TASP1: variants seen among roughly 807,000 people sequenced by gnomAD.
The protein encoded by TASP1 is threonine aspartase 1.
A neutral mutation model predicts 56.6 loss-of-function variants in TASP1; 16 were observed. The observed-to-expected ratio is 0.28, with a 90% CI of 0.19 to 0.43. The LOEUF (loss-of-function observed/expected upper bound fraction) is 0.43, where lower values mean the gene tolerates loss of function less well. Ranked by LOEUF, TASP1 falls within the 20% of genes least tolerant of loss-of-function variation. The pLI is 1.00. For missense variants in TASP1, 393 were observed against 511.6 expected, an observed-to-expected ratio of 0.77 and a Z score of 2.24; for synonymous variants, 179 against 184.2, an observed-to-expected ratio of 0.97 and a Z score of 0.23.
intron 11 of TASP1, among the ~76,000 whole-genome samples, chr20:13,477,630 T>C (rs2042990365): frequency 6.6e-6 from 1 of 152,144 alleles, no homozygotes; most frequent in African/African-American, 2.4e-5. Flanking sequence ...AAAAGTCACA[T>C]CTGAATCACT....
chr20:13,332,795 T>C, the TASP1 span, among the ~76,000 whole-genome samples: 1,186 of 152,350 alleles, frequency 7.8e-3, 21 homozygotes, highest in African/African-American at 0.027. Flanking sequence ...TCATGATTCA[T>C]TCAATGCCAT....
intron 11 of TASP1, among the ~76,000 whole-genome samples, chr20:13,472,563 G>A (rs2044550048): frequency 6.6e-6 from 1 of 150,972 alleles, no homozygotes; most frequent in Non-Finnish European, 1.5e-5. Flanking sequence ...CAGAATGGGA[G>A]AAAATTTTTG....
the TASP1 span, among the ~76,000 whole-genome samples, chr20:13,263,415 T>C: frequency 6.6e-6 from 1 of 152,068 alleles, no homozygotes; most frequent in Non-Finnish European, 1.5e-5. Flanking sequence ...GTGCCCCTTC[T>C]AGAAAGCCGA....
At chr20:13,565,747 G>C (rs1043052019) in intron 7 of TASP1, among the ~76,000 whole-genome samples, 1 of 152,146 alleles carries the variant, frequency 6.6e-6, no homozygotes, top group Non-Finnish European at 1.5e-5. Context: ...ACTGTTGATA[G>C]AACATGAAAT....
chr20:13,232,801 A>G, the TASP1 span, among the ~76,000 whole-genome samples: 1 of 152,228 alleles, frequency 6.6e-6, no homozygotes, highest in Non-Finnish European at 1.5e-5. Flanking sequence ...GAATCCCAGG[A>G]TGATATTTTT....
chr20:13,408,428 G>A (rs556428848), intron 13 of TASP1, among the ~76,000 whole-genome samples: 8 of 152,126 alleles, frequency 5.3e-5, no homozygotes, highest in South Asian at 2.1e-4. Context: ...AAGCATCTCC[G>A]CATATATATT....
chr20:13,334,229 G>T, the TASP1 span, among the ~76,000 whole-genome samples: 1 of 152,144 alleles, frequency 6.6e-6, no homozygotes, highest in Non-Finnish European at 1.5e-5. Context: ...TAGAACCACA[G>T]GTCATATATT....
At chr20:13,464,103 C>G (rs1254690775) in intron 11 of TASP1, among the ~76,000 whole-genome samples, 2 of 152,178 alleles carry the variant, frequency 1.3e-5, no homozygotes, top group African/African-American at 4.8e-5. Context: ...ACAACGGCCA[C>G]AGGCTAAATT....
intron 4 of TASP1, among the ~76,000 whole-genome samples, chr20:13,598,544 A>G (rs1418537940): frequency 6.6e-6 from 1 of 152,248 alleles, no homozygotes; most frequent in Admixed American, 6.5e-5. Flanking sequence ...AAGATGGATT[A>G]AAGACTTAAA....
At chr20:13,590,773 G>C (rs899843576) in intron 4 of TASP1, among the ~76,000 whole-genome samples, 4 of 152,038 alleles carry the variant, frequency 2.6e-5, no homozygotes, top group Non-Finnish European at 5.9e-5. Context: ...AGCTGAGGCA[G>C]GAGAATCACT....
chr20:13,135,487 G>A, the TASP1 span, among the ~76,000 whole-genome samples: 1 of 152,144 alleles, frequency 6.6e-6, no homozygotes, highest in Non-Finnish European at 1.5e-5. Flanking sequence ...GATGCATCTA[G>A]TGAATATTAG....
chr20:13,270,564 G>T, the TASP1 span: 3 of 1,613,914 alleles, frequency 1.9e-6, no homozygotes, highest in South Asian at 2.2e-5. Flanking sequence ...CTCCAAAGAA[G>T]CACCAAGGGA....
chr20:13,122,217 C>T, the TASP1 span, among the ~76,000 whole-genome samples: 2 of 152,208 alleles, frequency 1.3e-5, no homozygotes, highest in Non-Finnish European at 2.9e-5. Flanking sequence ...AAGTGTAAAG[C>T]TCCATCCCTG....
chr20:13,547,963 C>A (rs1309391352), intron 8 of TASP1, among the ~76,000 whole-genome samples: 1 of 151,980 alleles, frequency 6.6e-6, no homozygotes, highest in East Asian at 1.9e-4. Flanking sequence ...GACAGAGAGA[C>A]AATTGGAGCA....
intron 10 of TASP1, among the ~76,000 whole-genome samples, chr20:13,527,636 A>G (rs1415679904): frequency 6.6e-6 from 1 of 152,076 alleles, no homozygotes; most frequent in Non-Finnish European, 1.5e-5. Flanking sequence ...ACACATACGC[A>G]CACACACACT....
At chr20:13,361,734 C>T in the TASP1 span, among the ~76,000 whole-genome samples, 12 of 152,076 alleles carry the variant, frequency 7.9e-5, no homozygotes, top group East Asian at 1.9e-3. Context: ...CCATACATGC[C>T]CTGCTCTTGT....
At chr20:13,264,782 G>T in the TASP1 span, among the ~76,000 whole-genome samples, 1 of 152,198 alleles carries the variant, frequency 6.6e-6, no homozygotes, top group Non-Finnish European at 1.5e-5. Context: ...GTGTGGATTT[G>T]TCATCTGAGA....
At chr20:13,634,653 C>T (rs919644755) in intron 1 of TASP1, among the ~76,000 whole-genome samples, 6 of 149,576 alleles carry the variant, frequency 4.0e-5, no homozygotes, top group Non-Finnish European at 8.9e-5. Context: ...TCGCTTGAAC[C>T]AGGGAGGCAA....
the TASP1 span, among the ~76,000 whole-genome samples, chr20:13,179,406 C>CATGTGTGTGTGT: frequency 3.8e-4 from 55 of 143,514 alleles, no homozygotes; most frequent in African/African-American, 1.4e-3. Flanking sequence ...GAATTATGTG[C>CATGTGTGTGTGT]GTGTGTGTGT....
Sources: gnomAD v4.1 joint callset for allele counts (sites outside exome capture counted in the v4.1 genomes callset) on GRCh38, gnomAD v4.1.1 for gene constraint, MANE v1.5 for transcripts, NCBI Gene and HGNC (gene_info 2026-07-23, HGNC 2026-07-21) for gene names.